The following PITPNC1 variants were observed in gnomAD, a reference collection of about 807,000 sequenced individuals.
PITPNC1 encodes cytoplasmic phosphatidylinositol transfer protein 1.
Under a neutral mutation model 44.7 loss-of-function variants are expected in PITPNC1, and 18 were observed. The observed-to-expected ratio is 0.40, with a 90% confidence interval of 0.28 to 0.60. The LOEUF (loss-of-function observed/expected upper bound fraction) is 0.60, where lower values mean the gene tolerates loss of function less well. PITPNC1 is among the 20% of genes least tolerant of loss of function. The pLI is 0.39. For synonymous variants in PITPNC1, 141 were observed against 149.6 expected, an observed-to-expected ratio of 0.94 and a Z score of 0.42; for missense variants, 290 against 418.4, an observed-to-expected ratio of 0.69 and a Z score of 2.68.
intron 8 of PITPNC1, among the ~76,000 whole-genome samples, chr17:67,687,559 A>C (rs755570347): frequency 6.6e-6 from 1 of 152,222 alleles, no homozygotes; most frequent in Non-Finnish European, 1.5e-5. Flanking sequence ...ACACTCACTT[A>C]TTCATTCAAG....
chr17:67,576,685 A>G (rs1391946930), intron 4 of PITPNC1, among the ~76,000 whole-genome samples: 6 of 152,042 alleles, frequency 3.9e-5, no homozygotes, highest in African/African-American at 1.4e-4. Context: ...TTAACCCTTC[A>G]CATCTACTGA....
At chr17:67,557,054 T>C (rs1187843170) in intron 4 of PITPNC1, among the ~76,000 whole-genome samples, 1 of 152,228 alleles carries the variant, frequency 6.6e-6, no homozygotes, top group Non-Finnish European at 1.5e-5. Flanking sequence ...CATGTTGCTC[T>C]AATGAAACAC....
At chr17:67,507,989 C>A (rs1458649106) in intron 1 of PITPNC1, among the ~76,000 whole-genome samples, 9 of 152,280 alleles carry the variant, frequency 5.9e-5, no homozygotes, top group Admixed American at 3.3e-4. Context: ...CATGTCCAGG[C>A]CACCTAGTTG....
At chr17:67,484,553 C>A (rs1568008907) in intron 1 of PITPNC1, among the ~76,000 whole-genome samples, 1 of 152,180 alleles carries the variant, frequency 6.6e-6, no homozygotes, top group Non-Finnish European at 1.5e-5. Context: ...GGAGCCCTAA[C>A]TTAGAACTTG....
intron 6 of PITPNC1, among the ~76,000 whole-genome samples, chr17:67,643,243 G>A (rs1423382952): frequency 6.6e-6 from 1 of 152,150 alleles, no homozygotes; most frequent in South Asian, 2.1e-4. Context: ...AAAATTAGCT[G>A]GGCATGGCGG....
chr17:67,654,070 C>A (rs769951717), intron 6 of PITPNC1, among the ~76,000 whole-genome samples: 4 of 152,180 alleles, frequency 2.6e-5, no homozygotes, highest in Non-Finnish European at 4.4e-5. Flanking sequence ...ATGACAGGGA[C>A]AATCTGCTCT....
intron 1 of PITPNC1, among the ~76,000 whole-genome samples, chr17:67,523,395 A>G (rs938866308): frequency 2.6e-5 from 4 of 152,240 alleles, no homozygotes; most frequent in African/African-American, 9.6e-5. Flanking sequence ...ACAGATCTGC[A>G]AGTCACAGTC....
chr17:67,510,903 CA>C (rs2144088759), intron 1 of PITPNC1, among the ~76,000 whole-genome samples: 1 of 152,242 alleles, frequency 6.6e-6, no homozygotes, highest in East Asian at 1.9e-4. Context: ...CCCCCTTTTC[CA>C]TGCCAGCGTA....
intron 1 of PITPNC1, among the ~76,000 whole-genome samples, chr17:67,513,440 C>T (rs2040216729): frequency 7.1e-6 from 1 of 140,328 alleles, no homozygotes; most frequent in Admixed American, 7.2e-5. Flanking sequence ...TATGTATATA[C>T]ATATATGTAT....
At chr17:67,650,598 G>A (rs540272221) in intron 6 of PITPNC1, among the ~76,000 whole-genome samples, 4 of 151,812 alleles carry the variant, frequency 2.6e-5, no homozygotes, top group African/African-American at 7.3e-5. Context: ...ACAGGCATGC[G>A]CCACCATGCC....
At chr17:67,677,620 T>C (rs1402184817) in intron 8 of PITPNC1, among the ~76,000 whole-genome samples, 1 of 150,034 alleles carries the variant, frequency 6.7e-6, no homozygotes, top group African/African-American at 2.5e-5. Context: ...CGGACTGGAG[T>C]GCAATGGCAC....
At chr17:67,407,408 C>A (rs1016410819) in intron 1 of PITPNC1, among the ~76,000 whole-genome samples, 2 of 152,140 alleles carry the variant, frequency 1.3e-5, no homozygotes, top group Non-Finnish European at 2.9e-5. Context: ...CGATGCTAGA[C>A]CCTCATCAAA....
intron 1 of PITPNC1, among the ~76,000 whole-genome samples, chr17:67,437,454 C>T (rs980240973): frequency 5.9e-5 from 9 of 152,268 alleles, no homozygotes; most frequent in Admixed American, 3.3e-4. Context: ...GACAGATTTC[C>T]TCCAGAGCAT....
chr17:67,511,064 C>T (rs1032830980), intron 1 of PITPNC1, among the ~76,000 whole-genome samples: 5 of 152,014 alleles, frequency 3.3e-5, no homozygotes, highest in African/African-American at 1.2e-4. Context: ...TATATGAGTA[C>T]ACGCGTTTGC....
chr17:67,573,666 G>A (rs1219208180), intron 4 of PITPNC1, among the ~76,000 whole-genome samples: 4 of 146,556 alleles, frequency 2.7e-5, no homozygotes, highest in East Asian at 2.1e-4. Context: ...GGGTTCAAGC[G>A]ATTCTTCCCG....
rs73335985 is a variant in PITPNC1 at position 67,610,000 on chromosome 17, C to T, written c.367-22143C>T. ...CAGAGCTATCTGCCCAGGGAATCCA[C>T]GTAGACTTCAAATCTGATCATTTTC... On this transcript the variant is annotated intron_variant, in intron 5 of 8. Coordinates refer to ENST00000581322, the MANE Select transcript of PITPNC1 (RefSeq NM_012417.4). Among the ~76,000 whole-genome samples, 1,483 of 152,266 alleles carry T rather than the reference C, an allele frequency of 9.7e-3. 27 individuals are homozygous for T. Among genetic ancestry groups the T allele is most frequent in the African/African-American group, 0.034 (1,431 of 41,528 alleles).
intron 5 of PITPNC1, among the ~76,000 whole-genome samples, chr17:67,600,651 C>T (rs1457304061): frequency 6.6e-6 from 1 of 151,722 alleles, no homozygotes; most frequent in African/African-American, 2.4e-5. Context: ...CATTTCATAG[C>T]ACAGAAATAC....
At chr17:67,665,265 G>T (rs1490551173) in intron 6 of PITPNC1, among the ~76,000 whole-genome samples, 1 of 152,040 alleles carries the variant, frequency 6.6e-6, no homozygotes, top group Non-Finnish European at 1.5e-5. Context: ...GCTAATTTTT[G>T]TATTTTTTGT....
At position 67,695,775 on chromosome 17, in the gene PITPNC1, C is replaced by T. The variant is rs1364574715; in HGVS notation, c.*2887C>T. ...AGTGGAGACCATCAAAATGACTGTA[C>T]ATTTCATAACTCTGGGAAGATTTCA... is the stretch of plus-strand genomic sequence containing the variant. On this transcript the variant is annotated 3_prime_UTR_variant, in exon 9 of 9. Coordinates refer to ENST00000581322, the MANE Select transcript of PITPNC1 (RefSeq NM_012417.4). 6.6e-6 allele frequency: 1 copy of T among 152,074 alleles called. No homozygotes were observed. The highest frequency in any genetic ancestry group is 1.9e-4 in the East Asian group (1 of 5,206). 9.4% of individuals were successfully genotyped at this position (152,074 alleles called of 1,614,324 possible).
Sources: gnomAD v4.1 joint callset for allele counts (sites outside exome capture counted in the v4.1 genomes callset) on GRCh38, gnomAD v4.1.1 for gene constraint, MANE v1.5 for transcripts, NCBI Gene and HGNC (gene_info 2026-07-23, HGNC 2026-07-21) for gene names.